The following CACNA2D3 variants were observed in gnomAD, a reference collection of about 807,000 sequenced individuals.
The protein encoded by CACNA2D3 is calcium voltage-gated channel auxiliary subunit alpha2delta 3.
A neutral mutation model predicts 160.6 loss-of-function variants in CACNA2D3; 60 were observed. The observed-to-expected ratio is 0.37, with a 90% CI of 0.30 to 0.46. The LOEUF is 0.46. Among genes scored for constraint, CACNA2D3 ranks in the 20% least tolerant of loss-of-function variants. The pLI is 1.00. For missense variants in CACNA2D3, 1,205 were observed against 1,365.0 expected (o/e 0.88, Z 1.85); for synonymous variants, 558 against 492.9 (o/e 1.13, Z -1.75).
At chr3:54,634,283 C>A in intron 10 of CACNA2D3, among the ~76,000 whole-genome samples, 1 of 152,206 alleles carries the variant, frequency 6.6e-6, no homozygotes, top group East Asian at 1.9e-4. Context: ...CCTGGAATAT[C>A]TTTCCCTCAG....
At chr3:54,652,863 A>G (rs1016085517) in intron 11 of CACNA2D3, among the ~76,000 whole-genome samples, 1 of 147,326 alleles carries the variant, frequency 6.8e-6, no homozygotes, top group Non-Finnish European at 1.5e-5. Flanking sequence ...GCTCACTGTA[A>G]CCTCCGCCTC....
intron 9 of CACNA2D3, among the ~76,000 whole-genome samples, chr3:54,589,718 T>A (rs114260872): frequency 1.3e-5 from 2 of 151,992 alleles, no homozygotes; most frequent in African/African-American, 4.8e-5. Flanking sequence ...ATAAACACAA[T>A]TGAATTTAAA....
chr3:54,868,477 T>C (rs1237059942), intron 17 of CACNA2D3, among the ~76,000 whole-genome samples: 1 of 152,196 alleles, frequency 6.6e-6, no homozygotes, highest in African/African-American at 2.4e-5. Flanking sequence ...TCCAAGTATC[T>C]TGAATACCTT....
At chr3:54,937,149 T>TCAC (rs1168118068) in intron 27 of CACNA2D3, among the ~76,000 whole-genome samples, 1 of 152,232 alleles carries the variant, frequency 6.6e-6, no homozygotes, top group Non-Finnish European at 1.5e-5. Flanking sequence ...AAATAAGGTG[T>TCAC]GCTCAAGGGA....
chr3:54,965,048 G>A (rs1326505219), intron 27 of CACNA2D3, among the ~76,000 whole-genome samples: 2 of 152,140 alleles, frequency 1.3e-5, no homozygotes, highest in Non-Finnish European at 2.9e-5. Context: ...AACGGCAGAT[G>A]TCAGAATACT....
intron 13 of CACNA2D3, among the ~76,000 whole-genome samples, chr3:54,806,965 A>G (rs1202362575): frequency 1.3e-5 from 2 of 152,244 alleles, no homozygotes; most frequent in East Asian, 1.9e-4. Context: ...AGGAATCCCT[A>G]CTTAATAAAT....
At chr3:54,621,112 G>A (rs1281696796) in intron 9 of CACNA2D3, among the ~76,000 whole-genome samples, 2 of 152,138 alleles carry the variant, frequency 1.3e-5, no homozygotes, top group Non-Finnish European at 2.9e-5. Flanking sequence ...TCCAAATAGC[G>A]GCTGTACTCC....
intron 4 of CACNA2D3, among the ~76,000 whole-genome samples, chr3:54,436,607 A>T (rs1234706077): frequency 6.6e-6 from 1 of 152,214 alleles, no homozygotes; most frequent in African/African-American, 2.4e-5. Context: ...CATAAAAAAG[A>T]ATAGAGTCCA....
chr3:54,711,145 AAGCCAGCTTACCTCTCTG>A (rs1456230490), intron 11 of CACNA2D3, among the ~76,000 whole-genome samples: 4 of 152,180 alleles, frequency 2.6e-5, no homozygotes, highest in African/African-American at 4.8e-5. Context: ...GATTTTTCTC[AAGCCAGCTTACCTCTCTG>A]AGCCAGCTTT....
intron 17 of CACNA2D3, among the ~76,000 whole-genome samples, chr3:54,847,641 G>T (rs922557954): frequency 1.3e-5 from 2 of 152,162 alleles, no homozygotes; most frequent in Non-Finnish European, 2.9e-5. Flanking sequence ...GGGCCTTATG[G>T]TAATATTCAA....
intron 27 of CACNA2D3, chr3:54,924,830 T>A: frequency 6.2e-7 from 1 of 1,614,022 alleles, no homozygotes; most frequent in East Asian, 2.2e-5. Flanking sequence ...TTATGTTGTT[T>A]GATGACAAAT....
intron 31 of CACNA2D3, among the ~76,000 whole-genome samples, chr3:54,990,390 G>T (rs938956834): frequency 2.0e-5 from 3 of 152,170 alleles, no homozygotes; most frequent in Non-Finnish European, 4.4e-5. Context: ...AATTAGCTGG[G>T]CATGGTGGTG....
At chr3:54,736,070 TATAC>T (rs1559563653) in intron 11 of CACNA2D3, among the ~76,000 whole-genome samples, 22 of 31,988 alleles carry the variant, frequency 6.9e-4, no homozygotes, top group Middle Eastern at 0.019. Context: ...TGTATATATA[TATAC>T]ATATATATGT....
At chr3:54,686,174 A>G (rs1215811067) in intron 11 of CACNA2D3, among the ~76,000 whole-genome samples, 1 of 152,242 alleles carries the variant, frequency 6.6e-6, no homozygotes, top group African/African-American at 2.4e-5. Context: ...ATTGATATAA[A>G]TAAAGTTTTA....
At chr3:54,168,086 C>G (rs1700493205) in intron 2 of CACNA2D3, among the ~76,000 whole-genome samples, 1 of 152,054 alleles carries the variant, frequency 6.6e-6, no homozygotes, top group Non-Finnish European at 1.5e-5. Flanking sequence ...TCTTTCCTTT[C>G]CTATATTTGA....
intron 9 of CACNA2D3, among the ~76,000 whole-genome samples, chr3:54,608,637 C>T (rs1698685136): frequency 6.6e-6 from 1 of 152,198 alleles, no homozygotes; most frequent in Non-Finnish European, 1.5e-5. Flanking sequence ...TGTGTGTAGA[C>T]CACTTTGCTG....
chr3:54,209,983 G>A (rs1051208254), intron 2 of CACNA2D3, among the ~76,000 whole-genome samples: 1 of 152,106 alleles, frequency 6.6e-6, no homozygotes, highest in Admixed American at 6.5e-5. Flanking sequence ...CATATTTATA[G>A]GGCATCTACT....
intron 10 of CACNA2D3, among the ~76,000 whole-genome samples, chr3:54,636,322 A>G (rs996830750): frequency 4.6e-5 from 7 of 151,978 alleles, no homozygotes; most frequent in African/African-American, 1.7e-4. Flanking sequence ...TCAGAGAGAC[A>G]CAGTCGTGGG....
chr3:54,515,174 CTG>C (rs34453702), intron 5 of CACNA2D3, among the ~76,000 whole-genome samples: 2,805 of 134,378 alleles, frequency 0.021, 59 homozygotes, highest in East Asian at 0.095. Flanking sequence ...GTGTGTGTGT[CTG>C]TGTGTGTGTG....
Sources: gnomAD v4.1 joint callset for allele counts (sites outside exome capture counted in the v4.1 genomes callset) on GRCh38, gnomAD v4.1.1 for gene constraint, MANE v1.5 for transcripts, NCBI Gene and HGNC (gene_info 2026-07-23, HGNC 2026-07-21) for gene names.